Variants in POM121 observed in about 807,000 individuals in gnomAD.
POM121 encodes POM121 transmembrane nucleoporin.
POM121 carries 32 observed loss-of-function variants against 81.3 expected under a neutral mutation model. That is an observed-to-expected ratio of 0.39 (90% CI 0.30 to 0.53). The LOEUF is 0.53. Among genes scored for constraint, POM121 ranks in the 20% least tolerant of loss-of-function variants. The pLI is 0.66. For missense variants in POM121, 1,138 were observed against 1,614.6 expected (o/e 0.70, Z 5.06); for synonymous variants, 514 against 694.2 (o/e 0.74, Z 4.08).
At chr7:72,916,114 G>A (rs1794274008) in intron 4 of POM121, among the ~76,000 whole-genome samples, 1 of 152,200 alleles carries the variant, frequency 6.6e-6, no homozygotes, top group Non-Finnish European at 1.5e-5. Flanking sequence ...CTCCCGTTCT[G>A]TAGGTTGCCT....
In POM121 at chr7:72,939,949, G is replaced by A. The variant is rs566381910; in HGVS notation, c.1544G>A (p.Arg515Gln). ...KRKVQLLPSR[R>Q]GEQLTLPPPP... The stretch of plus-strand genomic sequence containing the variant: ...AAAGTTCAGCTGCTGCCTTCTCGGC[G>A]AGGGGAACAGCTGACCTTGGTATGG... The change falls in exon 8 of 13, where the codon CGA becomes CAA. Residue 515 changes from arginine to glutamine, a missense_variant. Around this residue, in one of 7 missense-constraint regions of POM121, gnomAD observed 24 missense variants for 54.3 expected, o/e 0.44. Coordinates refer to ENST00000434423, the MANE Select transcript of POM121 (RefSeq NM_001387691.1). 45 of 1,603,790 alleles carry A rather than the reference G, an allele frequency of 2.8e-5. 1 individual carries two copies. Among genetic ancestry groups the A allele is most frequent in the African/African-American group, 1.1e-4 (8 of 74,592 alleles).
At chr7:72,939,812 G>T (rs781988903) in intron 7 of POM121, 35 bp from the exon 8 acceptor site, 1 of 1,611,026 alleles carries the variant, frequency 6.2e-7, no homozygotes, top group Non-Finnish European at 8.5e-7. Context: ...CTGGAAGAGG[G>T]AAGGAAGCAA....
intron 3 of POM121, among the ~76,000 whole-genome samples, chr7:72,893,958 C>A (rs1228984638): frequency 2.0e-5 from 3 of 152,112 alleles, no homozygotes; most frequent in Non-Finnish European, 4.4e-5. Context: ...TCCCCCTGCC[C>A]CCGTTTTCTC....
At chr7:72,923,535 G>C (rs1255073879), upstream of POM121, among the ~76,000 whole-genome samples, 1 of 148,892 alleles carries the variant, frequency 6.7e-6, no homozygotes, top group Non-Finnish European at 1.5e-5. Context: ...CAATTCTCCT[G>C]CCTCAGCCTC....
At position 72,925,902 on chromosome 7, in the gene POM121, G is replaced by T. The variant is rs117469452; in HGVS notation, c.644+137G>T. The T allele has an allele frequency of 9.4e-5, 106 of 1,122,190 alleles. No homozygotes were observed. In the East Asian group the frequency reaches 1.3e-3, roughly 14 times the overall value. The allele number at this position is 1,122,190 out of a possible 1,614,324, so 69.5% of individuals were successfully genotyped here. A position where few individuals can be genotyped will look rare whatever the true frequency, so the allele number is the denominator to read the frequency against. On this transcript the variant is annotated intron_variant, in intron 1 of 12. Transcript: ENST00000434423. ...TGGTTTTGCCCTCCTTAACACCTTGGTGTGTGCCAGCTGTCTCCTGGCCTC... is the reference window on the plus strand; with the variant it reads ...TGGTTTTGCCCTCCTTAACACCTTGTTGTGTGCCAGCTGTCTCCTGGCCTC...
rs139667907 is a variant in POM121 at position 72,943,129 on chromosome 7, G to C, written c.3136G>C (p.Ala1046Pro). 315 of 1,612,970 alleles carry C rather than the reference G, an allele frequency of 2.0e-4. No individual in the cohort carries two copies. In the African/African-American group the frequency reaches 3.6e-3, roughly 18 times the overall value. The change falls in exon 11 of 13, where the codon GCC becomes CCC. Residue 1046 changes from alanine (A) to proline (P), a missense_variant. Physicochemically the swap from Ala to Pro is conservative, Grantham distance 27 (BLOSUM62 -1). This residue lies in a region of POM121 where 336 missense variants were observed against 344.3 expected (regional missense o/e 0.98). Transcript: ENST00000434423. ...GTTTGGGTTGAAAGCCACGGCTTCGGCCTTCGGCGCTCCCGCCAGCTCACA... is the reference window on the plus strand; with the variant it reads ...GTTTGGGTTGAAAGCCACGGCTTCGCCCTTCGGCGCTCCCGCCAGCTCACA... ...SAFGLKATAS[A>P]FGAPASSQPA... is the part of the protein sequence containing the mutation.
chr7:72,949,391 A>C (rs553549719), downstream of POM121: 1 of 1,044,098 alleles, frequency 9.6e-7, no homozygotes, highest in African/African-American at 1.6e-5. Flanking sequence ...ACCGCCAGGA[A>C]GTCCTCCTCA....
At chr7:72,937,014 T>C (rs1266005717) in intron 5 of POM121, among the ~76,000 whole-genome samples, 6 of 151,830 alleles carry the variant, frequency 4.0e-5, no homozygotes, top group Admixed American at 3.9e-4. Flanking sequence ...CCCAGCACTT[T>C]TGGAGGCCAA....
At chr7:72,934,997 C>T (rs1454660456) in intron 5 of POM121, among the ~76,000 whole-genome samples, 2 of 150,622 alleles carry the variant, frequency 1.3e-5, no homozygotes, top group Non-Finnish European at 2.9e-5. Flanking sequence ...GTATCTTGGC[C>T]TTTTGCATTT....
At chr7:72,902,121 A>C (rs1453141125) in intron 3 of POM121, among the ~76,000 whole-genome samples, 5 of 151,762 alleles carry the variant, frequency 3.3e-5, no homozygotes, top group African/African-American at 1.2e-4. Flanking sequence ...AAAAAAAAAC[A>C]AAAAACAAAA....
rs1795510880 is a variant in POM121, at chr7:72,926,963, G to A, written c.1022G>A (p.Arg341Lys). 2 of 1,613,984 alleles carry A rather than the reference G, an allele frequency of 1.2e-6. No individual in the cohort carries two copies. Among genetic ancestry groups the A allele is most frequent in the East Asian group, 2.2e-5 (1 of 44,886 alleles). The change falls in exon 3 of 13, where the codon AGG (arginine) becomes AAG (lysine). Residue 341 changes from arginine to lysine, a missense_variant and splice_region_variant. Arg to Lys is a conservative substitution (Grantham distance 26). Transcript: ENST00000434423. ...CTTGATGGCCAGGAAAATAAAAGAAGGTAACAGGCTCAGGAGAGTACTAAG... is the reference window on the plus strand; with the variant it reads ...CTTGATGGCCAGGAAAATAAAAGAAAGTAACAGGCTCAGGAGAGTACTAAG... The part of the protein sequence containing the change: ...IFLDGQENKR[R>K]RHDSSGSGHS...
chr7:72,943,155 G>T lies in POM121; in HGVS notation c.3162G>T (p.Gln1054His). The T allele has an allele frequency of 1.9e-6, 3 of 1,613,404 alleles. No homozygotes were observed. Among genetic ancestry groups the T allele is most frequent in the Non-Finnish European group, 1.7e-6 (2 of 1,179,752 alleles). Residue 1054 changes from glutamine (Q) to histidine (H), a missense_variant, in exon 11 of 13, where the codon CAG (glutamine) becomes CAT (histidine). Gln to His is a conservative substitution (Grantham distance 24). This residue lies in a region of POM121 where 336 missense variants were observed against 344.3 expected (regional missense o/e 0.98). Coordinates refer to ENST00000434423, the MANE Select transcript of POM121 (RefSeq NM_001387691.1). ...ASAFGAPASS[Q>H]PAFGGSTAVF... ...CCTTCGGCGCTCCCGCCAGCTCACA[G>T]CCCGCCTTTGGCGGCTCCACTGCTG...
chr7:72,899,605 A>G (rs1792370940), intron 3 of POM121, among the ~76,000 whole-genome samples: 2 of 144,722 alleles, frequency 1.4e-5, no homozygotes, highest in Admixed American at 6.9e-5. Flanking sequence ...TTGAGACAGA[A>G]TCTCGCTCTG....
chr7:72,944,374 GAA>G (rs1379266805), intron 11 of POM121, among the ~76,000 whole-genome samples: 2 of 152,122 alleles, frequency 1.3e-5, no homozygotes, highest in Admixed American at 1.3e-4. Flanking sequence ...GTGAAGTAGA[GAA>G]AATCTGGGAG....
At position 72,946,385 on chromosome 7, in the gene POM121, G is replaced by A. The variant is rs1554503269; in HGVS notation, c.*151G>A. 3 of 1,437,120 alleles carry A rather than the reference G, an allele frequency of 2.1e-6. No individual in the cohort carries two copies. Among genetic ancestry groups the A allele is most frequent in the Non-Finnish European group, 2.7e-6 (3 of 1,091,760 alleles). 89.0% of individuals were successfully genotyped at this position (1,437,120 alleles called of 1,614,324 possible). ...GCCAGGGGGCAGTGGCAGCCCTGGGGCCCTTTCCCTTCTGGAGGAAGCACA... is the reference window on the plus strand; with the variant it reads ...GCCAGGGGGCAGTGGCAGCCCTGGGACCCTTTCCCTTCTGGAGGAAGCACA... On this transcript the variant is annotated 3_prime_UTR_variant, in exon 13 of 13. Transcript: ENST00000434423.
At chr7:72,879,891 T>A (rs1395232621) in intron 1 of POM121, 1 of 512,320 alleles carries the variant, frequency 2.0e-6, no homozygotes, top group Admixed American at 2.0e-5. Flanking sequence ...GGAGGGTAAG[T>A]CTTGGGTTTT....
chr7:72,894,078 C>A (rs1372749627), intron 3 of POM121, among the ~76,000 whole-genome samples: 5 of 151,944 alleles, frequency 3.3e-5, no homozygotes, highest in Non-Finnish European at 7.4e-5. Flanking sequence ...TCCAGACCAA[C>A]CTGGCCAACA....
chr7:72,907,239 T>C (rs1793334854), intron 3 of POM121, among the ~76,000 whole-genome samples: 1 of 152,214 alleles, frequency 6.6e-6, no homozygotes, highest in Admixed American at 6.5e-5. Context: ...TATCAACCTT[T>C]TACCAGTTCA....
chr7:72,889,493 A>G (rs1481970943), intron 1 of POM121, among the ~76,000 whole-genome samples: 1 of 150,772 alleles, frequency 6.6e-6, no homozygotes, highest in Middle Eastern at 3.2e-3. Flanking sequence ...GCTGGAGCCC[A>G]GGAGCTTTGC....
Sources: allele counts gnomAD v4.1 joint callset (sites outside exome capture counted in the v4.1 genomes callset), GRCh38; gene constraint gnomAD v4.1.1; regional missense constraint gnomAD v4.1.1; transcripts MANE v1.5; gene names NCBI Gene and HGNC (gene_info 2026-07-23, HGNC 2026-07-21).